ZNF385D: variants seen among roughly 807,000 people sequenced by gnomAD.
The protein encoded by ZNF385D is zinc finger protein 659.
ZNF385D carries 15 observed loss-of-function variants against 35.8 expected under a neutral mutation model. The observed-to-expected ratio is 0.42, with a 90% confidence interval of 0.28 to 0.64. ZNF385D has a LOEUF of 0.64. Among genes scored for constraint, ZNF385D ranks in the 30% least tolerant of loss-of-function variants. ZNF385D has a pLI of 0.23. For missense variants in ZNF385D, 474 were observed against 494.6 expected (o/e 0.96, Z 0.39); for synonymous variants, 212 against 186.8 (o/e 1.13, Z -1.10).
At chr3:22,038,494 G>A (rs1004973205) in intron 3 of ZNF385D, among the ~76,000 whole-genome samples, 3 of 152,036 alleles carry the variant, frequency 2.0e-5, no homozygotes, top group African/African-American at 4.8e-5. Flanking sequence ...TGGAGCAGAG[G>A]TAGCATTGGC....
chr3:22,185,549 C>T (rs559725217), intron 2 of ZNF385D, among the ~76,000 whole-genome samples: 1 of 152,250 alleles, frequency 6.6e-6, no homozygotes, highest in South Asian at 2.1e-4. Flanking sequence ...CTCACTGCAA[C>T]CTCCGCCTCC....
chr3:22,332,582 A>G (rs959097196), intron 2 of ZNF385D, among the ~76,000 whole-genome samples: 11 of 152,144 alleles, frequency 7.2e-5, no homozygotes, highest in Non-Finnish European at 5.9e-5. Flanking sequence ...AATGGATAGC[A>G]AGGAAACAAA....
intron 1 of ZNF385D, among the ~76,000 whole-genome samples, chr3:21,721,723 CACTT>C (rs911213119): frequency 2.0e-5 from 3 of 152,154 alleles, no homozygotes; most frequent in African/African-American, 7.2e-5. Flanking sequence ...AAAGCCTCTC[CACTT>C]TATTTTATAA....
chr3:21,907,231 A>C (rs995206417), intron 3 of ZNF385D, among the ~76,000 whole-genome samples: 3 of 152,204 alleles, frequency 2.0e-5, no homozygotes, highest in African/African-American at 7.2e-5. Flanking sequence ...TTTAAAAAAC[A>C]TGTATCTGTA....
intron 2 of ZNF385D, among the ~76,000 whole-genome samples, chr3:22,213,417 T>C (rs1013877010): frequency 7.9e-5 from 12 of 152,076 alleles, no homozygotes; most frequent in Admixed American, 5.9e-4. Flanking sequence ...AGCAGAGTGA[T>C]TGGATTGTCA....
intron 1 of ZNF385D, among the ~76,000 whole-genome samples, chr3:21,699,593 A>T (rs1006289160): frequency 1.3e-5 from 2 of 152,150 alleles, no homozygotes; most frequent in African/African-American, 4.8e-5. Context: ...TACCAGATGC[A>T]CTCTAAATGT....
At chr3:21,550,883 C>T (rs2062544912) in intron 3 of ZNF385D, among the ~76,000 whole-genome samples, 1 of 152,184 alleles carries the variant, frequency 6.6e-6, no homozygotes, top group Non-Finnish European at 1.5e-5. Context: ...CAATGTTATG[C>T]TCTCATGAGG....
chr3:21,808,265 A>G (rs1256628441), intron 3 of ZNF385D, among the ~76,000 whole-genome samples: 1 of 152,258 alleles, frequency 6.6e-6, no homozygotes, highest in Non-Finnish European at 1.5e-5. Flanking sequence ...CAACTCAAAC[A>G]TATTTTAGGA....
intron 5 of ZNF385D, among the ~76,000 whole-genome samples, chr3:21,433,548 C>A (rs1462717449): frequency 6.6e-6 from 1 of 152,132 alleles, no homozygotes; most frequent in East Asian, 1.9e-4. Flanking sequence ...AGAAGTGTTT[C>A]TGAAGCACTA....
At chr3:22,113,786 T>C (rs1460059530) in intron 3 of ZNF385D, among the ~76,000 whole-genome samples, 1 of 152,044 alleles carries the variant, frequency 6.6e-6, no homozygotes, top group Non-Finnish European at 1.5e-5. Context: ...AGATAAAGTC[T>C]CTTCTGCTAA....
intron 1 of ZNF385D, among the ~76,000 whole-genome samples, chr3:21,717,869 G>C (rs1362745707): frequency 6.6e-6 from 1 of 152,142 alleles, no homozygotes; most frequent in Admixed American, 6.5e-5. Flanking sequence ...CCCAGTCTCA[G>C]GTATGTCTTT....
chr3:21,732,026 CGGGG>C lies in ZNF385D; in HGVS notation c.22+18865_22+18868del, dbSNP rs2069023484. On this transcript the variant is annotated intron_variant, in intron 1 of 7. Transcript: ENST00000281523. ...TCTATTCAGGGTTTTTTTCTTTTTT[CGGGG>C]TTTTTTTTTTTTTTTTTTTTTTTTT... Among the ~76,000 whole-genome samples, 4 of 24,128 alleles carry C rather than the reference CGGGG, an allele frequency of 1.7e-4. 1 individual carries two copies. The highest frequency in any genetic ancestry group is 1.2e-3 in the African/African-American group (4 of 3,392). 15.8% of individuals were successfully genotyped at this position (24,128 alleles called of 152,430 possible). A position where few individuals can be genotyped will look rare whatever the true frequency, so the allele number is the denominator to read the frequency against.
chr3:22,092,078 G>C (rs1057297851), intron 3 of ZNF385D, among the ~76,000 whole-genome samples: 1 of 152,190 alleles, frequency 6.6e-6, no homozygotes, highest in Non-Finnish European at 1.5e-5. Flanking sequence ...AAAAGTTCAA[G>C]ATTGAATAGA....
chr3:21,668,081 C>T (rs2066459813), intron 1 of ZNF385D, among the ~76,000 whole-genome samples: 1 of 152,164 alleles, frequency 6.6e-6, no homozygotes, highest in South Asian at 2.1e-4. Context: ...TATGCAAATA[C>T]AGGTGTAGGG....
intron 1 of ZNF385D, among the ~76,000 whole-genome samples, chr3:21,708,611 T>A (rs7647588): frequency 0.53 from 79,999 of 152,014 alleles, 21,830 homozygotes; most frequent in East Asian, 0.62. Flanking sequence ...AAAGATGCTT[T>A]CACTCCTTAT....
chr3:21,991,622 G>C (rs978035794), intron 3 of ZNF385D, among the ~76,000 whole-genome samples: 7 of 152,162 alleles, frequency 4.6e-5, no homozygotes, highest in African/African-American at 1.4e-4. Flanking sequence ...CAGCTAATAA[G>C]ACAAAGAACT....
rs13095800 is a variant in ZNF385D, at chr3:21,981,109, T to A, written c.325+187708A>T. Among the ~76,000 whole-genome samples, 6 of 152,122 alleles carry A rather than the reference T, an allele frequency of 3.9e-5. No homozygotes were observed. The East Asian group carries it at 9.7e-4, about 24-fold the overall frequency. On this transcript the variant is annotated intron_variant, in intron 3 of 5. Coordinates refer to the ZNF385D transcript ENST00000494108. ...ATAATAGGACTGCTGGGTTGAATGA[T>A]AGTTGTACTTTTAGCTCACTGAGGA...
chr3:21,866,851 T>C (rs1304250719), intron 3 of ZNF385D, among the ~76,000 whole-genome samples: 1 of 152,180 alleles, frequency 6.6e-6, no homozygotes, highest in Admixed American at 6.5e-5. Flanking sequence ...AAGGCCTGCC[T>C]AGGGCCCACA....
intron 2 of ZNF385D, among the ~76,000 whole-genome samples, chr3:22,357,186 C>T (rs1696193581): frequency 6.6e-6 from 1 of 151,838 alleles, no homozygotes; most frequent in South Asian, 2.1e-4. Context: ...ATCATTATCT[C>T]CAAGTTTCCA....
Sources: allele counts gnomAD v4.1 joint callset (sites outside exome capture counted in the v4.1 genomes callset), GRCh38; gene constraint gnomAD v4.1.1; transcripts MANE v1.5; gene names NCBI Gene and HGNC (gene_info 2026-07-23, HGNC 2026-07-21).